The following ATG16L1 variants were observed in gnomAD, a reference collection of about 807,000 sequenced individuals.
ATG16L1 encodes the protein autophagy-related protein 16-1.
Under a neutral mutation model 88.5 loss-of-function variants are expected in ATG16L1, and 37 were observed. That is an observed-to-expected ratio of 0.42 (90% CI 0.32 to 0.55). ATG16L1 has a LOEUF of 0.55. Ranked by LOEUF, ATG16L1 falls within the 20% of genes least tolerant of loss-of-function variation. The pLI is 0.13. For synonymous variants in ATG16L1, 301 were observed against 281.0 expected (o/e 1.07, Z -0.71); for missense variants, 554 against 752.8 (o/e 0.74, Z 3.09).
At chr2:233,285,445 A>G (rs912510631) in intron 12 of ATG16L1, among the ~76,000 whole-genome samples, 1 of 152,212 alleles carries the variant, frequency 6.6e-6, no homozygotes, top group Non-Finnish European at 1.5e-5. Flanking sequence ...CATAACATTG[A>G]GCTGGCACAC....
Position 233,273,432 on chromosome 2 carries a change from G to C in ATG16L1, c.795-289G>C, listed in dbSNP as rs143427168. Reference sequence around the variant, plus strand: ...TTGGTTACTAACAGTCAGAAATTGTGAAGTTAGTTAGCCAGGAATTGTGAG... The same window carrying C: ...TTGGTTACTAACAGTCAGAAATTGTCAAGTTAGTTAGCCAGGAATTGTGAG... On this transcript the variant is annotated intron_variant, in intron 7 of 17. Transcript: ENST00000392017. 2.1e-3 allele frequency: 1,055 copies of C among 513,724 alleles called. 13 individuals are homozygous for C. Among genetic ancestry groups the C allele is most frequent in the African/African-American group, 0.019 (960 of 51,826 alleles). The allele number at this position is 513,724 out of a possible 1,614,324, so 31.8% of individuals were successfully genotyped here.
intron 5 of ATG16L1, among the ~76,000 whole-genome samples, chr2:233,269,748 CCTT>C (rs1697856961): frequency 6.6e-6 from 1 of 152,210 alleles, no homozygotes; most frequent in Non-Finnish European, 1.5e-5. Context: ...CAGGCCTCCT[CCTT>C]TGCCAGTTCA....
intron 5 of ATG16L1, among the ~76,000 whole-genome samples, chr2:233,266,848 G>C (rs1333835280): frequency 6.6e-6 from 1 of 152,180 alleles, no homozygotes; most frequent in African/African-American, 2.4e-5. Flanking sequence ...TGGAACTGGA[G>C]GACAGTATAT....
rs1697400866 is a variant in ATG16L1, at chr2:233,264,112, G to A, written c.389+47G>A. ...TTGGAGCCTGGTCATTGGGTCCCAT[G>A]TCCTTTGTTCTGCTGACCTCTTGTG... is the stretch of plus-strand genomic sequence containing the variant. On this transcript the variant is annotated intron_variant, in intron 4 of 17. Transcript: ENST00000392017. 4 of 1,602,462 alleles carry A rather than the reference G, an allele frequency of 2.5e-6. No homozygotes were observed. In the South Asian group the frequency reaches 4.4e-5, roughly 18 times the overall value.
intron 1 of ATG16L1, among the ~76,000 whole-genome samples, chr2:233,255,634 T>C (rs1172193544): frequency 6.6e-6 from 1 of 152,220 alleles, no homozygotes; most frequent in African/African-American, 2.4e-5. Context: ...GCCCATCATC[T>C]TCTTTTAAGA....
At chr2:233,255,607 G>C (rs1231753158) in intron 1 of ATG16L1, among the ~76,000 whole-genome samples, 1 of 152,152 alleles carries the variant, frequency 6.6e-6, no homozygotes, top group Non-Finnish European at 1.5e-5. Flanking sequence ...AAAAGACTCT[G>C]TTATTCCTTC....
chr2:233,285,270 T>A lies in ATG16L1; in HGVS notation c.1203+2517T>A, dbSNP rs199859968. ...GAAGAGGGGCCTACAGCCTTTTTTT[T>A]ATGATAGTCCCTTAGAGGAGAAGAG... is the stretch of plus-strand genomic sequence containing the variant. On this transcript the variant is annotated intron_variant, in intron 12 of 17. Transcript: ENST00000392017. Among the ~76,000 whole-genome samples, 11 of 152,162 alleles carry A rather than the reference T, an allele frequency of 7.2e-5. No individual in the cohort carries two copies. In the East Asian group the frequency reaches 7.7e-4, roughly 11 times the overall value.
At chr2:233,256,538 TTTGTGTAGATCCTGTTAATGTAGGATTGA>T (rs755377342) in intron 2 of ATG16L1, among the ~76,000 whole-genome samples, 16 of 152,296 alleles carry the variant, frequency 1.1e-4, no homozygotes, top group Admixed American at 3.3e-4. Context: ...TCTGAGCGGG[TTTGTGTAGATCCTGTTAATGTAGGATTGA>T]TTGGCACATA....
At chr2:233,256,065 A>C in intron 1 of ATG16L1, 37 bp from the exon 2 acceptor site, 1 of 1,549,902 alleles carries the variant, frequency 6.5e-7, no homozygotes, top group Non-Finnish European at 8.9e-7. Flanking sequence ...ATACGTTGTA[A>C]TAAATAACTT....
chr2:233,273,771 T>C lies in ATG16L1; in HGVS notation c.845T>C (p.Ile282Thr). 2 of 1,614,110 alleles carry C rather than the reference T, an allele frequency of 1.2e-6. No individual in the cohort carries two copies. The highest frequency in any genetic ancestry group is 1.7e-5 in the Admixed American group (1 of 60,020). Residue 282 changes from isoleucine (I) to threonine (T), a missense_variant, in exon 8 of 18, where the codon ATC becomes ACC. Transcript: ENST00000392017. The part of the protein sequence containing the change: ...AGGLLDSITN[I>T]FGRRSVSSFP... ...GGCCTTCTGGATTCTATCACTAATATCTTTGGGTAGGTTAGAAGACCTTTC... is the reference window on the plus strand; with the variant it reads ...GGCCTTCTGGATTCTATCACTAATACCTTTGGGTAGGTTAGAAGACCTTTC...
intron 5 of ATG16L1, among the ~76,000 whole-genome samples, chr2:233,268,414 A>G (rs1420744528): frequency 2.0e-5 from 3 of 152,172 alleles, no homozygotes; most frequent in Admixed American, 2.0e-4. Flanking sequence ...AGCCGAGATG[A>G]TGTCACTGCC....
intron 10 of ATG16L1, among the ~76,000 whole-genome samples, chr2:233,280,011 C>G (rs1384278837): frequency 6.6e-6 from 1 of 152,094 alleles, no homozygotes; most frequent in Non-Finnish European, 1.5e-5. Flanking sequence ...CTTTTTCAAC[C>G]CTTTTGAAAA....
chr2:233,267,224 C>T (rs1697665711), intron 5 of ATG16L1, among the ~76,000 whole-genome samples: 1 of 152,156 alleles, frequency 6.6e-6, no homozygotes, highest in African/African-American at 2.4e-5. Context: ...TAGCGGATGC[C>T]TGTAATCCCA....
chr2:233,259,041 A>T (rs758026151), intron 2 of ATG16L1, among the ~76,000 whole-genome samples: 3 of 152,126 alleles, frequency 2.0e-5, no homozygotes, highest in African/African-American at 4.8e-5. Flanking sequence ...AACCAGGTTC[A>T]TTCAGCCCAC....
At chr2:233,253,121 GC>G (rs1328103368) in intron 1 of ATG16L1, among the ~76,000 whole-genome samples, 1 of 152,120 alleles carries the variant, frequency 6.6e-6, no homozygotes, top group East Asian at 1.9e-4. Context: ...AGAACTGCAT[GC>G]CAAGTTATCA....
chr2:233,290,729 C>A (rs1158175046), intron 14 of ATG16L1, among the ~76,000 whole-genome samples: 1 of 152,188 alleles, frequency 6.6e-6, no homozygotes, highest in Non-Finnish European at 1.5e-5. Context: ...CTCCAGATTT[C>A]TCCGGAGACG....
At position 233,294,560 on chromosome 2, in the gene ATG16L1, C is replaced by A. The variant is rs1024955087; in HGVS notation, c.*210C>A. ...GCCTGGAAGAATAACACTGAAAAAACCTGACGCTGCGGTCACTTAGCAGAG... is the reference window on the plus strand; with the variant it reads ...GCCTGGAAGAATAACACTGAAAAAAACTGACGCTGCGGTCACTTAGCAGAG... On this transcript the variant is annotated 3_prime_UTR_variant, in exon 18 of 18. Transcript: ENST00000392017. 1 of 429,540 alleles carries A rather than the reference C, an allele frequency of 2.3e-6. No individual in the cohort carries two copies. The allele number at this position is 429,540 out of a possible 1,614,324, so 26.6% of individuals were successfully genotyped here. A position where few individuals can be genotyped will look rare whatever the true frequency, so the allele number is the denominator to read the frequency against.
At chr2:233,258,890 G>A (rs1372062071) in intron 2 of ATG16L1, among the ~76,000 whole-genome samples, 2 of 152,000 alleles carry the variant, frequency 1.3e-5, no homozygotes, top group Admixed American at 6.5e-5. Flanking sequence ...GTAGAGATAG[G>A]GGTCTCACTG....
At chr2:233,264,620 T>C (rs1188126272) in intron 4 of ATG16L1, among the ~76,000 whole-genome samples, 3 of 152,132 alleles carry the variant, frequency 2.0e-5, no homozygotes, top group Admixed American at 2.0e-4. Flanking sequence ...TGGTGAAATA[T>C]ATACGGTTTC....
Sources: allele counts gnomAD v4.1 joint callset (sites outside exome capture counted in the v4.1 genomes callset), GRCh38; gene constraint gnomAD v4.1.1; transcripts MANE v1.5; gene names NCBI Gene and HGNC (gene_info 2026-07-23, HGNC 2026-07-21).